RNF121: variants seen among roughly 807,000 people sequenced by gnomAD.
RNF121 encodes ring finger protein 121, also known as E3 ubiquitin ligase RNF121.
In RNF121, 21 loss-of-function variants were observed where a neutral mutation model predicts 46.5. That is an observed-to-expected ratio of 0.45 (90% CI 0.32 to 0.65). The LOEUF (loss-of-function observed/expected upper bound fraction) is 0.65. Ranked by LOEUF, RNF121 falls within the 30% of genes least tolerant of loss-of-function variation. The pLI is 0.04. For missense variants in RNF121, 346 were observed against 416.0 expected (o/e 0.83, Z 1.46); for synonymous variants, 139 against 144.7 (o/e 0.96, Z 0.28).
At chr11:71,973,225 G>A (rs1255976767) in intron 3 of RNF121, among the ~76,000 whole-genome samples, 1 of 152,124 alleles carries the variant, frequency 6.6e-6, no homozygotes, top group Admixed American at 6.5e-5. Flanking sequence ...GGGCATAGTG[G>A]CTCATGCCTG....
At chr11:71,958,405 T>C (rs1954044621) in intron 2 of RNF121, among the ~76,000 whole-genome samples, 1 of 152,226 alleles carries the variant, frequency 6.6e-6, no homozygotes, top group Non-Finnish European at 1.5e-5. Context: ...ATATGTCCTT[T>C]GTTGTTATGG....
At chr11:71,959,506 G>A (rs550827081) in intron 2 of RNF121, among the ~76,000 whole-genome samples, 25 of 152,042 alleles carry the variant, frequency 1.6e-4, no homozygotes, top group Non-Finnish European at 3.5e-4. Flanking sequence ...GGTGTAATGG[G>A]AATTGTATAA....
In RNF121 at chr11:71,987,031, C is replaced by T. The variant is rs764042875; in HGVS notation, c.426C>T (p.Ile142=). ...PRLVYKWFLL[I]YKISYATGIV... ...TGGTTTATAAGTGGTTCCTGCTAAT[C>T]TATAAAATCAGCTATGCCACTGGCA... Residue 142 remains isoleucine (I), a synonymous_variant, in exon 5 of 9, where the codon ATC becomes ATT. Coordinates refer to ENST00000361756, the MANE Select transcript of RNF121 (RefSeq NM_018320.5). 6.2e-7 allele frequency: 1 copy of T among 1,613,398 alleles called. No homozygotes were observed. Among genetic ancestry groups the T allele is most frequent in the Admixed American group, 1.7e-5 (1 of 60,014 alleles).
intron 3 of RNF121, among the ~76,000 whole-genome samples, chr11:71,978,609 A>T (rs1228083820): frequency 6.6e-6 from 1 of 152,228 alleles, no homozygotes; most frequent in Non-Finnish European, 1.5e-5. Context: ...CTGAGCGCTT[A>T]TTATGAATTA....
chr11:71,960,359 TTATGTC>T (rs1344177059), intron 2 of RNF121, among the ~76,000 whole-genome samples: 1 of 152,182 alleles, frequency 6.6e-6, no homozygotes, highest in African/African-American at 2.4e-5. Flanking sequence ...GTATGAGACT[TTATGTC>T]TATAACCTCT....
intron 3 of RNF121, among the ~76,000 whole-genome samples, chr11:71,962,887 A>T (rs1014038336): frequency 6.6e-6 from 1 of 151,684 alleles, no homozygotes; most frequent in African/African-American, 2.4e-5. Context: ...GTTTTTTTTT[A>T]AATTTTATTT....
Position 71,963,251 on chromosome 11 carries a change from G to A in RNF121, c.243+2360G>A, listed in dbSNP as rs1328630281. ...TATCTATTTTTTAATTTTATTGGTT[G>A]TGCTTTTAGTGTCATATCTAAGAAT... On this transcript the variant is annotated intron_variant, in intron 3 of 8. Coordinates refer to ENST00000361756, the MANE Select transcript of RNF121 (RefSeq NM_018320.5). 2.6e-5 allele frequency among the ~76,000 whole-genome samples: 4 copies of A among 152,146 alleles called. No individual in the cohort carries two copies. In the East Asian group the frequency reaches 5.8e-4, roughly 22 times the overall value.
chr11:71,942,031 C>A (rs1229781425), intron 1 of RNF121, among the ~76,000 whole-genome samples: 1 of 149,792 alleles, frequency 6.7e-6, no homozygotes, highest in African/African-American at 2.5e-5. Context: ...CTCCTGGGTT[C>A]GTGCCATTCT....
At chr11:71,978,091 G>C (rs1391347559) in intron 3 of RNF121, 1 of 317,848 alleles carries the variant, frequency 3.1e-6, no homozygotes, top group Non-Finnish European at 6.3e-6. Context: ...TTAAGAGGTG[G>C]GGTTTCACCG....
At chr11:71,976,748 A>G (rs73531955) in intron 3 of RNF121, among the ~76,000 whole-genome samples, 7 of 152,068 alleles carry the variant, frequency 4.6e-5, no homozygotes, top group Admixed American at 2.6e-4. Context: ...TTTGTGGTCA[A>G]CTGAAACCCC....
intron 3 of RNF121, among the ~76,000 whole-genome samples, chr11:71,966,486 C>CT (rs897671289): frequency 4.4e-4 from 65 of 146,478 alleles, no homozygotes; most frequent in Middle Eastern, 3.5e-3. Context: ...ATTTCTGATA[C>CT]TTTTTTTTTT....
chr11:71,961,841 G>A (rs1954141131), intron 3 of RNF121, among the ~76,000 whole-genome samples: 1 of 152,234 alleles, frequency 6.6e-6, no homozygotes, highest in Non-Finnish European at 1.5e-5. Context: ...TGAGGAGGCT[G>A]AGGTGGGAGA....
intron 4 of RNF121, among the ~76,000 whole-genome samples, chr11:71,985,782 T>C (rs894539692): frequency 4.6e-5 from 7 of 152,122 alleles, no homozygotes; most frequent in Admixed American, 3.3e-4. Flanking sequence ...AGGGACCTAC[T>C]CTTGTAGCAT....
intron 6 of RNF121, among the ~76,000 whole-genome samples, chr11:71,991,092 G>A (rs1892921): frequency 0.89 from 135,139 of 152,186 alleles, 60,257 homozygotes; most frequent in Non-Finnish European, 0.94. Context: ...TGGGGACAAC[G>A]GTTGAAAAAC....
At chr11:71,942,772 G>GTATA (rs1201537010) in intron 1 of RNF121, among the ~76,000 whole-genome samples, 139 of 18,956 alleles carry the variant, frequency 7.3e-3, no homozygotes, top group African/African-American at 0.012. Context: ...CTATATATCT[G>GTATA]TATATATATA....
intron 1 of RNF121, among the ~76,000 whole-genome samples, chr11:71,942,771 T>TGTATATATATATATATATATAG (rs1953608157): frequency 5.4e-5 from 1 of 18,506 alleles, no homozygotes; most frequent in African/African-American, 8.9e-5. Context: ...TCTATATATC[T>TGTATATATATATATATATATAG]GTATATATAT....
chr11:71,994,935 C>CTT, intron 7 of RNF121, 83 bp downstream of exon 7: 2 of 1,572,108 alleles, frequency 1.3e-6, no homozygotes, highest in Non-Finnish European at 8.7e-7. Context: ...TGGTCATGAC[C>CTT]CTAGGCATGC....
intron 3 of RNF121, among the ~76,000 whole-genome samples, chr11:71,969,576 A>G (rs1423425822): frequency 3.9e-5 from 6 of 152,024 alleles, no homozygotes; most frequent in Non-Finnish European, 7.4e-5. Context: ...ATTTTACTTT[A>G]TTTTGAGACA....
chr11:71,967,937 G>C (rs1239422221), intron 3 of RNF121, among the ~76,000 whole-genome samples: 2 of 151,942 alleles, frequency 1.3e-5, no homozygotes, highest in African/African-American at 4.8e-5. Context: ...TTACTGATTT[G>C]TAAGAGCTCT....
Sources: gnomAD v4.1 joint callset for allele counts (sites outside exome capture counted in the v4.1 genomes callset) on GRCh38, gnomAD v4.1.1 for gene constraint, MANE v1.5 for transcripts, NCBI Gene and HGNC (gene_info 2026-07-23, HGNC 2026-07-21) for gene names.